DRC11: variants seen among roughly 807,000 people sequenced by gnomAD.
DRC11 encodes the protein dynein regulatory complex subunit 11.
the DRC11 span, among the ~76,000 whole-genome samples, chr2:236,416,768 T>TATTTTTATATATATATATATATATAA: frequency 4.3e-5 from 4 of 92,962 alleles, no homozygotes; most frequent in Non-Finnish European, 8.8e-5. Context: ...TATATATATA[T>TATTTTTATATATATATATATATATAA]AAATAATTTT....
the DRC11 span, chr2:236,331,625 A>G: frequency 2.7e-5 from 41 of 1,545,312 alleles, 1 homozygote; most frequent in African/African-American, 3.7e-4. This position sits in a 1 kb window ranked among gnomAD's most constrained non-coding sequence, Gnocchi z 4.8. Flanking sequence ...GACACAGAGA[A>G]CAAGGGTTAC....
chr2:236,447,437 C>T, the DRC11 span, among the ~76,000 whole-genome samples: 1 of 151,564 alleles, frequency 6.6e-6, no homozygotes, highest in African/African-American at 2.4e-5. This position sits in a 1 kb window ranked among gnomAD's most constrained non-coding sequence, Gnocchi z 4.6. Flanking sequence ...AGGTTGGGGG[C>T]CACTGTGTTA....
the DRC11 span, among the ~76,000 whole-genome samples, chr2:236,416,717 ATATT>A: frequency 1.5e-3 from 94 of 64,196 alleles, 2 homozygotes; most frequent in African/African-American, 4.3e-3. Flanking sequence ...ACATATATAT[ATATT>A]TATATATATA....
At chr2:236,416,759 AT>A in the DRC11 span, among the ~76,000 whole-genome samples, 32 of 90,860 alleles carry the variant, frequency 3.5e-4, 1 homozygote, top group South Asian at 2.3e-3. Flanking sequence ...ATATATATAT[AT>A]ATATATATAA....
the DRC11 span, among the ~76,000 whole-genome samples, chr2:236,358,781 G>A: frequency 6.7e-6 from 1 of 149,244 alleles, no homozygotes; most frequent in Non-Finnish European, 1.5e-5. Context: ...CAACAAAAAT[G>A]CAAGAGAACC....
the DRC11 span, among the ~76,000 whole-genome samples, chr2:236,428,949 C>G: frequency 6.6e-6 from 1 of 152,178 alleles, no homozygotes; most frequent in African/African-American, 2.4e-5. Context: ...GGGTCAGTTA[C>G]TGAAAGTTTA....
chr2:236,447,266 C>T, the DRC11 span, among the ~76,000 whole-genome samples: 1 of 151,634 alleles, frequency 6.6e-6, no homozygotes, highest in South Asian at 2.1e-4. The surrounding 1 kb of genome is among the most constrained non-coding windows in gnomAD (Gnocchi z 4.6). Context: ...AGAATCACTG[C>T]AGAAGGAACT....
At chr2:236,315,247 G>A in the DRC11 span, among the ~76,000 whole-genome samples, 1 of 152,204 alleles carries the variant, frequency 6.6e-6, no homozygotes, top group Non-Finnish European at 1.5e-5. This position sits in a 1 kb window ranked among gnomAD's most constrained non-coding sequence, Gnocchi z 5.1. Flanking sequence ...AAATGGTGCT[G>A]GAGCTTTGGG....
the DRC11 span, chr2:236,493,896 G>T: frequency 6.3e-7 from 1 of 1,584,884 alleles, no homozygotes; most frequent in Non-Finnish European, 8.6e-7. Flanking sequence ...TGCTAGAGAA[G>T]AGAAAGAATA....
chr2:236,353,736 C>G, the DRC11 span, among the ~76,000 whole-genome samples: 6 of 151,950 alleles, frequency 3.9e-5, no homozygotes, highest in African/African-American at 1.5e-4. This position sits in a 1 kb window ranked among gnomAD's most constrained non-coding sequence, Gnocchi z 5.0. Context: ...GACACGGTCC[C>G]TGCCTGTGGA....
the DRC11 span, among the ~76,000 whole-genome samples, chr2:236,498,285 G>C: frequency 6.7e-6 from 1 of 149,302 alleles, no homozygotes; most frequent in African/African-American, 2.5e-5. Context: ...GGCCAACCCC[G>C]TCTCTACTAA....
chr2:236,495,570 T>C, the DRC11 span, among the ~76,000 whole-genome samples: 1 of 152,090 alleles, frequency 6.6e-6, no homozygotes, highest in Non-Finnish European at 1.5e-5. The surrounding 1 kb of genome is among the most constrained non-coding windows in gnomAD (Gnocchi z 5.6). Context: ...GTGGGCCCAT[T>C]AGGAAAGGTT....
the DRC11 span, among the ~76,000 whole-genome samples, chr2:236,350,098 G>C: frequency 6.6e-6 from 1 of 152,180 alleles, no homozygotes; most frequent in Non-Finnish European, 1.5e-5. The surrounding 1 kb of genome is among the most constrained non-coding windows in gnomAD (Gnocchi z 5.2). Flanking sequence ...ACTAAGCTGC[G>C]CAGCCTTGAA....
chr2:236,491,046 G>GTATATATATA, the DRC11 span, among the ~76,000 whole-genome samples: 62 of 128,246 alleles, frequency 4.8e-4, no homozygotes, highest in African/African-American at 1.8e-3. Flanking sequence ...TATATATACA[G>GTATATATATA]TATATATATA....
chr2:236,320,831 G>A, the DRC11 span, among the ~76,000 whole-genome samples: 1 of 143,498 alleles, frequency 7.0e-6, no homozygotes, highest in African/African-American at 2.5e-5. Context: ...TCCCTCCGCC[G>A]GTACCCCCCC....
chr2:236,307,932 G>GGTGTGCTTGCAGTGACACAAGCGTCCTC, the DRC11 span, among the ~76,000 whole-genome samples: 3 of 150,328 alleles, frequency 2.0e-5, no homozygotes, highest in Admixed American at 6.7e-5. This position sits in a 1 kb window ranked among gnomAD's most constrained non-coding sequence, Gnocchi z 7.0. Context: ...CAAGCATCGT[G>GGTGTGCTTGCAGTGACACAAGCGTCCTC]GTGTGCTTGC....
chr2:236,502,192 G>A, the DRC11 span, among the ~76,000 whole-genome samples: 1 of 147,150 alleles, frequency 6.8e-6, no homozygotes, highest in Non-Finnish European at 1.6e-5. Context: ...AAGGGGATAC[G>A]TAAGTAATTA....
the DRC11 span, among the ~76,000 whole-genome samples, chr2:236,494,646 C>T: frequency 1.3e-5 from 2 of 152,142 alleles, no homozygotes; most frequent in Non-Finnish European, 2.9e-5. This position sits in a 1 kb window ranked among gnomAD's most constrained non-coding sequence, Gnocchi z 4.2. Flanking sequence ...GAATTGGCTA[C>T]CTTATTTTTT....
chr2:236,423,852 C>T, the DRC11 span, among the ~76,000 whole-genome samples: 1 of 151,954 alleles, frequency 6.6e-6, no homozygotes, highest in Non-Finnish European at 1.5e-5. Flanking sequence ...ACATATACAC[C>T]ATGGAATACT....
Sources: allele counts gnomAD v4.1 joint callset (sites outside exome capture counted in the v4.1 genomes callset), GRCh38; gene constraint gnomAD v4.1.1; non-coding constraint Gnocchi (gnomAD v3.1); transcripts MANE v1.5; gene names NCBI Gene and HGNC (gene_info 2026-07-23, HGNC 2026-07-21).